The following STXBP5 variants were observed in gnomAD, a reference collection of about 807,000 sequenced individuals.
STXBP5 encodes the protein syntaxin binding protein 5, also known as syntaxin-binding protein 5.
STXBP5 carries 50 observed loss-of-function variants against 152.4 expected under a neutral mutation model. The observed-to-expected ratio is 0.33, with a 90% CI of 0.26 to 0.42. STXBP5 has a LOEUF of 0.42. Ranked by LOEUF, STXBP5 falls within the 10% of genes least tolerant of loss-of-function variation. The pLI is 1.00. For synonymous variants in STXBP5, 492 were observed against 494.7 expected (o/e 0.99, Z 0.07); for missense variants, 1,167 against 1,388.6 (o/e 0.84, Z 2.54).
Position 147,262,335 on chromosome 6 carries a change from T to A in STXBP5, c.612T>A (p.Asn204Lys). 1 of 1,565,050 alleles carries A rather than the reference T, an allele frequency of 6.4e-7. No individual in the cohort carries two copies. Among genetic ancestry groups the A allele is most frequent in the Non-Finnish European group, 8.6e-7 (1 of 1,160,986 alleles). Residue 204 changes from asparagine to lysine, a missense_variant, in exon 6 of 28, where the codon AAT (asparagine) becomes AAA (lysine). This residue lies in a region of STXBP5 where 310 missense variants were observed against 346.1 expected (regional missense o/e 0.90). Coordinates refer to ENST00000321680, the MANE Select transcript of STXBP5 (RefSeq NM_001127715.4). ...GACCTGTGGTCCATATAAGTGATAA[T>A]CCAATGGACGAGGGAAAGGTAGAAT... ...HPGPVVHISD[N>K]PMDEGKLLIG... is the part of the protein sequence containing the mutation.
chr6:147,272,160 A>G (rs1780202386), intron 7 of STXBP5, among the ~76,000 whole-genome samples: 1 of 152,160 alleles, frequency 6.6e-6, no homozygotes, highest in Admixed American at 6.5e-5. Context: ...AGGCTCAGAA[A>G]GCTTGCTGGT....
At chr6:147,260,516 T>G in intron 4 of STXBP5, 99 bp from the exon 5 acceptor site, 1 of 1,333,562 alleles carries the variant, frequency 7.5e-7, no homozygotes, top group Non-Finnish European at 1.1e-6. Flanking sequence ...ATACCAGTTT[T>G]GCTGTTCCTG....
chr6:147,213,448 G>A (rs1343521127), intron 2 of STXBP5, among the ~76,000 whole-genome samples: 1 of 141,406 alleles, frequency 7.1e-6, no homozygotes, highest in Non-Finnish European at 1.5e-5. Context: ...GTGTGTGTGT[G>A]TGTGTGTGTG....
Position 147,278,057 on chromosome 6 carries a change from A to C in STXBP5, c.715-24A>C, listed in dbSNP as rs750511034. ...TTTACTGTTTAAATAGATTTTTTAA[A>C]TGGTATTTTTCATCCTTCTATAGGC... On this transcript the variant is annotated intron_variant, in intron 7 of 27. Coordinates refer to ENST00000321680, the MANE Select transcript of STXBP5 (RefSeq NM_001127715.4). 41 of 1,583,396 alleles carry C rather than the reference A, an allele frequency of 2.6e-5. No homozygotes were observed. In the South Asian group the frequency reaches 4.5e-4, roughly 17 times the overall value.
chr6:147,207,587 T>C (rs1048256695), intron 2 of STXBP5, among the ~76,000 whole-genome samples: 2 of 152,176 alleles, frequency 1.3e-5, no homozygotes, highest in Admixed American at 6.6e-5. Flanking sequence ...TTTGTCAGTG[T>C]GGGCCCTGAG....
chr6:147,341,028 A>G (rs1343391582), intron 21 of STXBP5, among the ~76,000 whole-genome samples: 1 of 151,932 alleles, frequency 6.6e-6, no homozygotes, highest in Admixed American at 6.6e-5. Flanking sequence ...TTATTTTTAA[A>G]CCTCAGGAAG....
chr6:147,363,997 C>T lies in STXBP5; in HGVS notation c.2916-4C>T. On this transcript the variant is annotated splice_polypyrimidine_tract_variant and splice_region_variant and intron_variant, in intron 24 of 27. Coordinates refer to ENST00000321680, the MANE Select transcript of STXBP5 (RefSeq NM_001127715.4). ...ATTAACAAGTTTTTAATTTTTTTCT[C>T]AAGTTTGCCAAGTTTAAGACCTCTG... 1 of 1,606,940 alleles carries T rather than the reference C, an allele frequency of 6.2e-7. No homozygotes were observed. The highest frequency in any genetic ancestry group is 2.2e-5 in the East Asian group (1 of 44,812).
chr6:147,216,923 A>T (rs1208831779), intron 2 of STXBP5, among the ~76,000 whole-genome samples: 1 of 152,268 alleles, frequency 6.6e-6, no homozygotes, highest in East Asian at 1.9e-4. Context: ...ATTGTTAAAC[A>T]GCAAGTTTTA....
At chr6:147,271,268 G>A (rs1281105492) in intron 7 of STXBP5, among the ~76,000 whole-genome samples, 2 of 152,052 alleles carry the variant, frequency 1.3e-5, no homozygotes, top group Non-Finnish European at 2.9e-5. Context: ...GATGGAAAAA[G>A]TAATATTAGC....
chr6:147,288,076 A>G (rs1445841756), intron 8 of STXBP5, among the ~76,000 whole-genome samples: 1 of 151,856 alleles, frequency 6.6e-6, no homozygotes, highest in Non-Finnish European at 1.5e-5. Flanking sequence ...GAATGTGTCT[A>G]GTTCTCGGAG....
chr6:147,362,647 A>G (rs1359320448), intron 23 of STXBP5, among the ~76,000 whole-genome samples: 4 of 152,168 alleles, frequency 2.6e-5, no homozygotes, highest in Non-Finnish European at 4.4e-5. Context: ...CTAGATCAGT[A>G]TTGTCTATTA....
At chr6:147,384,365 C>T (rs113861687) in intron 27 of STXBP5, among the ~76,000 whole-genome samples, 19 of 152,082 alleles carry the variant, frequency 1.2e-4, no homozygotes, top group African/African-American at 4.1e-4. Flanking sequence ...TTTGAGATGG[C>T]AGGAGGAGTA....
intron 4 of STXBP5, among the ~76,000 whole-genome samples, chr6:147,250,568 A>G (rs1219784045): frequency 1.3e-5 from 2 of 152,134 alleles, no homozygotes; most frequent in African/African-American, 2.4e-5. Context: ...TTTGGTATTC[A>G]TGGGGCTCCT....
At chr6:147,328,676 C>A in intron 18 of STXBP5, 1 of 467,760 alleles carries the variant, frequency 2.1e-6, no homozygotes, top group Non-Finnish European at 4.4e-6. Flanking sequence ...TTTATTTCTT[C>A]CGCTTTTCAT....
At chr6:147,259,993 A>C (rs1330322564) in intron 4 of STXBP5, among the ~76,000 whole-genome samples, 1 of 152,202 alleles carries the variant, frequency 6.6e-6, no homozygotes, top group Non-Finnish European at 1.5e-5. Context: ...AAATAGTTCA[A>C]ATATATTTCA....
At position 147,384,886 on chromosome 6, in the gene STXBP5, C is replaced by A; in HGVS notation, c.*131C>A. The A allele has an allele frequency of 1.1e-6, 1 of 910,952 alleles. No individual in the cohort carries two copies. The highest frequency in any genetic ancestry group is 1.7e-6 in the Non-Finnish European group (1 of 575,856). The allele number at this position is 910,952 out of a possible 1,614,324, so 56.4% of individuals were successfully genotyped here. A position where few individuals can be genotyped will look rare whatever the true frequency, so the allele number is the denominator to read the frequency against. On this transcript the variant is annotated 3_prime_UTR_variant, in exon 28 of 28. Coordinates refer to ENST00000321680, the MANE Select transcript of STXBP5 (RefSeq NM_001127715.4). ...ACTGTTCTTTCCTAGCACAGTCATG[C>A]ACTGTTTTACCTCAGTCATGTGGCT...
intron 7 of STXBP5, among the ~76,000 whole-genome samples, chr6:147,274,086 A>G (rs763852816): frequency 3.9e-5 from 6 of 152,096 alleles, no homozygotes; most frequent in Non-Finnish European, 8.8e-5. Flanking sequence ...TTTCTCCCAT[A>G]TTTAGACTGG....
intron 7 of STXBP5, among the ~76,000 whole-genome samples, chr6:147,267,594 C>CT (rs1381408606): frequency 6.6e-6 from 1 of 152,050 alleles, no homozygotes; most frequent in Non-Finnish European, 1.5e-5. Flanking sequence ...CTTACCTCTC[C>CT]TTTTTTGGCA....
intron 12 of STXBP5, 24 bp from the exon 13 acceptor site, chr6:147,314,240 T>G: frequency 6.3e-7 from 1 of 1,592,394 alleles, no homozygotes; most frequent in Non-Finnish European, 8.6e-7. Context: ...GCAAGTTGCT[T>G]TATACAGTCA....
Sources: gnomAD v4.1 joint callset for allele counts (sites outside exome capture counted in the v4.1 genomes callset) on GRCh38, gnomAD v4.1.1 for gene constraint, gnomAD v4.1.1 regional missense constraint, MANE v1.5 for transcripts, NCBI Gene and HGNC (gene_info 2026-07-23, HGNC 2026-07-21) for gene names.